FAP: variants seen among roughly 807,000 people sequenced by gnomAD.
FAP encodes fibroblast activation protein alpha.
A neutral mutation model predicts 126.5 loss-of-function variants in FAP; 110 were observed. The ratio of observed to expected loss-of-function variants is 0.87; its 90% CI spans 0.74 to 1.02. The LOEUF is 1.02. FAP is among the 50% of genes least tolerant of loss of function. FAP has a pLI of 0.00. For synonymous variants in FAP, 334 were observed against 297.3 expected (o/e 1.12, Z -1.27); for missense variants, 919 against 909.2 (o/e 1.01, Z -0.14).
chr2:162,179,901 C>T (rs1363262982), intron 21 of FAP, among the ~76,000 whole-genome samples: 2 of 151,144 alleles, frequency 1.3e-5, no homozygotes, highest in African/African-American at 2.4e-5. Flanking sequence ...CTCTACCTCC[C>T]GGGTTCAAGC....
At chr2:162,234,367 TC>T (rs2106299464) in intron 2 of FAP, among the ~76,000 whole-genome samples, 1 of 152,236 alleles carries the variant, frequency 6.6e-6, no homozygotes, top group South Asian at 2.1e-4. Context: ...CTTATTTAGA[TC>T]TTTTTGGATT....
intron 11 of FAP, 37 bp from the exon 12 acceptor site, chr2:162,210,033 G>A (rs371505589): frequency 1.4e-5 from 22 of 1,591,810 alleles, no homozygotes; most frequent in Non-Finnish European, 1.8e-5. Flanking sequence ...ATAGTATTAG[G>A]AGAACATTTT....
intron 3 of FAP, 24 bp downstream of exon 3, chr2:162,226,499 C>A: frequency 1.6e-6 from 2 of 1,275,410 alleles, no homozygotes; most frequent in Non-Finnish European, 1.1e-6. Context: ...AAAAAAAACC[C>A]CTAAAGATAA....
At chr2:162,171,180 T>C (rs1687293383) in intron 25 of FAP, 100 bp from the exon 26 acceptor site, 2 of 776,198 alleles carry the variant, frequency 2.6e-6, no homozygotes, top group Non-Finnish European at 4.3e-6. Context: ...CTTTCTATTA[T>C]GGGGAAACTG....
At chr2:162,174,016 A>C (rs1431760616) in intron 22 of FAP, among the ~76,000 whole-genome samples, 1 of 152,184 alleles carries the variant, frequency 6.6e-6, no homozygotes, top group African/African-American at 2.4e-5. Context: ...TGGAAACAGG[A>C]GCATCTAAAC....
At chr2:162,204,443 A>G (rs910282284) in intron 12 of FAP, among the ~76,000 whole-genome samples, 4 of 152,224 alleles carry the variant, frequency 2.6e-5, no homozygotes, top group African/African-American at 9.6e-5. Flanking sequence ...GAGAAAGTAA[A>G]GATGTGTATT....
At chr2:162,224,375 G>A in intron 5 of FAP, 91 bp downstream of exon 5, 1 of 737,026 alleles carries the variant, frequency 1.4e-6, no homozygotes, top group Non-Finnish European at 2.3e-6. Flanking sequence ...TAGAGATAAA[G>A]ACAGACTCTT....
chr2:162,171,251 C>A (rs1017335903), intron 25 of FAP, 171 bp from the exon 26 acceptor site: 8 of 557,482 alleles, frequency 1.4e-5, no homozygotes, highest in Non-Finnish European at 2.2e-5. Context: ...GCAGGAAGAG[C>A]TTTCGTTAAC....
chr2:162,234,300 A>C (rs1008134417), intron 2 of FAP, among the ~76,000 whole-genome samples: 5 of 152,216 alleles, frequency 3.3e-5, no homozygotes, highest in Non-Finnish European at 5.9e-5. Flanking sequence ...AAATTTAGGC[A>C]GTATTGCCAT....
chr2:162,187,689 C>T (rs1687906948), intron 20 of FAP, among the ~76,000 whole-genome samples: 1 of 152,092 alleles, frequency 6.6e-6, no homozygotes, highest in South Asian at 2.1e-4. Flanking sequence ...TAGGCAAACA[C>T]TTTCATGCTA....
chr2:162,208,239 A>AGTG lies in FAP; in HGVS notation c.1047+1710_1047+1712dup, dbSNP rs1433381657. Among the ~76,000 whole-genome samples the AGTG allele has an allele frequency of 2.0e-5, 3 of 150,998 alleles. No individual in the cohort carries two copies. In the East Asian group the frequency reaches 6.0e-4, roughly 30 times the overall value. Reference sequence around the variant, plus strand: ...CCACTGCACTCCAGCCTGGCAACAGAGTGAGATTCCGTCTTAAAAAAAAAA... The same window carrying AGTG: ...CCACTGCACTCCAGCCTGGCAACAGAGTGGTGAGATTCCGTCTTAAAAAAAAAA... On this transcript the variant is annotated intron_variant, in intron 12 of 25. Coordinates refer to ENST00000188790, the MANE Select transcript of FAP (RefSeq NM_004460.5).
intron 2 of FAP, 129 bp from the exon 3 acceptor site, chr2:162,226,750 A>G: frequency 1.8e-6 from 1 of 555,704 alleles, no homozygotes; most frequent in Non-Finnish European, 3.2e-6. Flanking sequence ...TGGTTGTTGA[A>G]CTCCTATCAT....
chr2:162,218,014 G>A lies in FAP; in HGVS notation c.734C>T (p.Pro245Leu). ...AYSYYGDEQY[P>L]RTINIPYPKA... The stretch of plus-strand genomic sequence containing the variant: ...TGGGTATGGAATATTTATTGTTCTA[G>A]GATATTGTTCATCGCCATAATAGGA... Residue 245 changes from proline to leucine, a missense_variant, in exon 9 of 26, where the codon CCT (proline) becomes CTT (leucine). Transcript: ENST00000188790. The A allele has an allele frequency of 6.3e-7, 1 of 1,596,798 alleles. No homozygotes were observed. The highest frequency in any genetic ancestry group is 8.5e-7 in the Non-Finnish European group (1 of 1,172,250).
intron 21 of FAP, chr2:162,175,195 C>G (rs552884230): frequency 3.2e-6 from 1 of 308,476 alleles, no homozygotes; most frequent in East Asian, 5.7e-5. Flanking sequence ...CTGATCAGAA[C>G]AGACCCTCTT....
intron 2 of FAP, among the ~76,000 whole-genome samples, chr2:162,240,416 C>A (rs1477244446): frequency 6.6e-6 from 1 of 151,858 alleles, no homozygotes; most frequent in Non-Finnish European, 1.5e-5. Context: ...TTTTTCTTTC[C>A]TTTAGACGTG....
chr2:162,205,955 A>G (rs1223817840), intron 12 of FAP, among the ~76,000 whole-genome samples: 2 of 152,212 alleles, frequency 1.3e-5, no homozygotes, highest in African/African-American at 4.8e-5. Context: ...CAGTTAGATA[A>G]GGGACTTTTT....
chr2:162,209,364 T>C (rs977395560), intron 12 of FAP, among the ~76,000 whole-genome samples: 10 of 152,158 alleles, frequency 6.6e-5, no homozygotes, highest in African/African-American at 2.2e-4. Context: ...ACCTCAAGCG[T>C]TATTTTACAT....
At chr2:162,239,052 A>G (rs1405408416) in intron 2 of FAP, among the ~76,000 whole-genome samples, 2 of 152,158 alleles carry the variant, frequency 1.3e-5, no homozygotes, top group African/African-American at 4.8e-5. Flanking sequence ...ATGTATATAC[A>G]TATTCTCTTT....
At chr2:162,227,649 C>T (rs2106289677) in intron 2 of FAP, among the ~76,000 whole-genome samples, 1 of 152,258 alleles carries the variant, frequency 6.6e-6, no homozygotes, top group East Asian at 1.9e-4. Flanking sequence ...TGCTATAAAA[C>T]TCGTAGCCCT....
Sources: allele counts gnomAD v4.1 joint callset (sites outside exome capture counted in the v4.1 genomes callset), GRCh38; gene constraint gnomAD v4.1.1; transcripts MANE v1.5; gene names NCBI Gene and HGNC (gene_info 2026-07-23, HGNC 2026-07-21).